The following NBEAL1 variants were observed in gnomAD, a reference collection of about 807,000 sequenced individuals.
NBEAL1 encodes the protein neurobeachin like 1.
A neutral mutation model predicts 351.3 loss-of-function variants in NBEAL1; 273 were observed. That is an observed-to-expected ratio of 0.78 (90% CI 0.70 to 0.86). The LOEUF is 0.86. Among genes scored for constraint, NBEAL1 ranks in the 40% least tolerant of loss-of-function variants. The probability of loss-of-function intolerance (pLI) is 0.00; values close to 1 mark genes in which losing one functional copy is unlikely to be tolerated. For synonymous variants in NBEAL1, 1,050 were observed against 1,086.4 expected (o/e 0.97, Z 0.66); for missense variants, 2,961 against 3,201.3 (o/e 0.92, Z 1.81).
chr2:203,082,117 G>A (rs541087622), intron 8 of NBEAL1, among the ~76,000 whole-genome samples: 2 of 152,254 alleles, frequency 1.3e-5, no homozygotes, highest in African/African-American at 4.8e-5. Flanking sequence ...AAGAGGTCCT[G>A]AAAAGCTGAC....
intron 6 of NBEAL1, among the ~76,000 whole-genome samples, chr2:203,057,663 C>T (rs2061425744): frequency 1.3e-5 from 2 of 151,972 alleles, no homozygotes; most frequent in African/African-American, 4.8e-5. Flanking sequence ...TTGTATTTTG[C>T]AATGCAATTT....
chr2:203,159,126 C>G (rs970830936), intron 36 of NBEAL1, among the ~76,000 whole-genome samples: 3 of 152,100 alleles, frequency 2.0e-5, no homozygotes, highest in Non-Finnish European at 4.4e-5. Context: ...CTGCACCCAG[C>G]CCTCTAGTAT....
At chr2:203,136,515 A>G (rs2063212371) in intron 28 of NBEAL1, 84 bp from the exon 29 acceptor site, 2 of 996,166 alleles carry the variant, frequency 2.0e-6, no homozygotes, top group East Asian at 5.0e-5. Context: ...AAATGATTAC[A>G]ATGAGTATAT....
intron 12 of NBEAL1, among the ~76,000 whole-genome samples, chr2:203,104,843 C>CT (rs951028816): frequency 3.3e-5 from 5 of 151,450 alleles, no homozygotes; most frequent in Non-Finnish European, 5.9e-5. Context: ...TTTGGAATTT[C>CT]TTTTTTTTCT....
chr2:203,138,005 A>AGG (rs757142617), intron 29 of NBEAL1, among the ~76,000 whole-genome samples, 157 bp from the exon 30 acceptor site: 1 of 151,234 alleles, frequency 6.6e-6, no homozygotes. Flanking sequence ...AAAAAAAAAA[A>AGG]TTCAATTTCC....
chr2:203,131,638 G>C (rs2063075303), intron 25 of NBEAL1, among the ~76,000 whole-genome samples: 1 of 152,020 alleles, frequency 6.6e-6, no homozygotes, highest in Non-Finnish European at 1.5e-5. Flanking sequence ...ACTGCTCAAG[G>C]TCATCACCAA....
At chr2:203,122,601 GA>G (rs2062854732) in intron 19 of NBEAL1, among the ~76,000 whole-genome samples, 1 of 152,164 alleles carries the variant, frequency 6.6e-6, no homozygotes, top group South Asian at 2.1e-4. Flanking sequence ...AAGTCAGTGA[GA>G]AAAAAATTGA....
At position 203,133,115 on chromosome 2, in the gene NBEAL1, A is replaced by G. The variant is rs1045246708; in HGVS notation, c.3782A>G (p.His1261Arg). The G allele has an allele frequency of 1.3e-6, 2 of 1,512,078 alleles. No individual in the cohort carries two copies. Among genetic ancestry groups the G allele is most frequent in the South Asian group, 1.2e-5 (1 of 80,988 alleles). 93.7% of individuals were successfully genotyped at this position (1,512,078 alleles called of 1,614,324 possible). A position where few individuals can be genotyped will look rare whatever the true frequency, so the allele number is the denominator to read the frequency against. ...GTGGTATATATATCTCACAGAGCAC[A>G]TATAAATGTTAGAGTGGCCATCTGC... is the stretch of plus-strand genomic sequence containing the variant. Reference protein sequence around the residue: ...LSVVYISHRAHINVRVAICRK... With the variant: ...LSVVYISHRARINVRVAICRK... Residue 1261 changes from histidine to arginine, a missense_variant, in exon 27 of 56, where the codon CAT (histidine) becomes CGT (arginine). His to Arg is a conservative substitution (Grantham distance 29). Coordinates refer to ENST00000683969, the MANE Select transcript of NBEAL1 (RefSeq NM_001378026.1).
Position 203,130,354 on chromosome 2 carries a change from C to T in NBEAL1, c.3442C>T (p.Arg1148Cys), listed in dbSNP as rs777113741. The T allele has an allele frequency of 5.2e-6, 8 of 1,533,846 alleles. No individual in the cohort carries two copies. Among genetic ancestry groups the T allele is most frequent in the African/African-American group, 2.8e-5 (2 of 71,894 alleles). Residue 1148 changes from arginine (R) to cysteine (C), a missense_variant, in exon 25 of 56, where the codon CGT (arginine) becomes TGT (cysteine). Arg to Cys is a radical substitution (Grantham distance 180). Coordinates refer to ENST00000683969, the MANE Select transcript of NBEAL1 (RefSeq NM_001378026.1). ...TTTGGACGTGCTCTTCAGTCTCCTACGTACCAGCCCAACCAGAGGTCAGCT... is the reference window on the plus strand; with the variant it reads ...TTTGGACGTGCTCTTCAGTCTCCTATGTACCAGCCCAACCAGAGGTCAGCT... The part of the protein sequence containing the change: ...GILDVLFSLL[R>C]TSPTRGQLFL...
At chr2:203,093,647 A>G (rs2062115932) in intron 10 of NBEAL1, among the ~76,000 whole-genome samples, 1 of 152,172 alleles carries the variant, frequency 6.6e-6, no homozygotes, top group African/African-American at 2.4e-5. Context: ...TGAGGTCAGG[A>G]GTTTGAGACC....
chr2:203,151,315 G>A (rs2063646268), intron 34 of NBEAL1, 150 bp from the exon 35 acceptor site: 1 of 497,824 alleles, frequency 2.0e-6, no homozygotes, highest in Non-Finnish European at 3.3e-6. Flanking sequence ...CTGGGTAACA[G>A]AATGAGACTC....
At chr2:203,192,439 C>G (rs2065118447) in intron 46 of NBEAL1, among the ~76,000 whole-genome samples, 1 of 149,566 alleles carries the variant, frequency 6.7e-6, no homozygotes, top group Non-Finnish European at 1.5e-5. Context: ...GTCTGGAGTA[C>G]AATGGCACAA....
At chr2:203,031,723 T>C (rs1187884842) in intron 2 of NBEAL1, among the ~76,000 whole-genome samples, 1 of 152,206 alleles carries the variant, frequency 6.6e-6, no homozygotes, top group South Asian at 2.1e-4. Context: ...TTTAAAAAAT[T>C]GAACGATAAA....
intron 6 of NBEAL1, among the ~76,000 whole-genome samples, chr2:203,067,182 C>T (rs1231563021): frequency 6.6e-6 from 1 of 152,248 alleles, no homozygotes; most frequent in Non-Finnish European, 1.5e-5. Flanking sequence ...TTATTTGAAA[C>T]TCCAGTGAAT....
chr2:203,172,301 A>T (rs954531796), intron 40 of NBEAL1, among the ~76,000 whole-genome samples: 5 of 152,146 alleles, frequency 3.3e-5, no homozygotes, highest in Non-Finnish European at 7.4e-5. Context: ...CGGGTGGATC[A>T]CCTGAGGTCA....
chr2:203,217,343 G>T lies in NBEAL1; in HGVS notation c.8161G>T (p.Asp2721Tyr). Residue 2721 changes from aspartate to tyrosine, a missense_variant, in exon 56 of 56, where the codon GAT (aspartate) becomes TAT (tyrosine). Asp to Tyr is a radical substitution (Grantham distance 160, BLOSUM62 -3). Coordinates refer to ENST00000683969, the MANE Select transcript of NBEAL1 (RefSeq NM_001378026.1). ...TGGAGAAACTGAATATAATACTCAAGATTCCAAGTGATTGTTATTTCCATT... is the reference window on the plus strand; with the variant it reads ...TGGAGAAACTGAATATAATACTCAATATTCCAAGTGATTGTTATTTCCATT... ...SAGETEYNTQ[D>Y]SK 1.9e-6 allele frequency: 3 copies of T among 1,571,306 alleles called. No homozygotes were observed. The highest frequency in any genetic ancestry group is 2.7e-5 in the African/African-American group (2 of 73,082).
chr2:203,127,083 G>A (rs913845682), intron 23 of NBEAL1, among the ~76,000 whole-genome samples, 157 bp downstream of exon 23: 1 of 152,266 alleles, frequency 6.6e-6, no homozygotes, highest in African/African-American at 2.4e-5. Flanking sequence ...ATGAACAGTG[G>A]ATCGCATACA....
At chr2:203,108,270 A>G (rs2062481346) in intron 14 of NBEAL1, 82 bp downstream of exon 14, 1 of 1,095,664 alleles carries the variant, frequency 9.1e-7, no homozygotes. Context: ...AACTGTTTCC[A>G]AGCATCTAGC....
chr2:203,200,327 A>C (rs571306636), intron 49 of NBEAL1, among the ~76,000 whole-genome samples: 1 of 152,302 alleles, frequency 6.6e-6, no homozygotes, highest in African/African-American at 2.4e-5. Flanking sequence ...CTTGGCTAAC[A>C]CAGTGAAACC....
Sources: allele counts gnomAD v4.1 joint callset (sites outside exome capture counted in the v4.1 genomes callset), GRCh38; gene constraint gnomAD v4.1.1; transcripts MANE v1.5; gene names NCBI Gene and HGNC (gene_info 2026-07-23, HGNC 2026-07-21).